Variants in ANKRD28 observed in about 807,000 individuals in gnomAD.
ANKRD28 encodes the protein ankyrin repeat domain 28, also known as serine/threonine-protein phosphatase 6 regulatory ankyrin repeat subunit A.
A neutral mutation model predicts 126.5 loss-of-function variants in ANKRD28; 44 were observed. The ratio of observed to expected loss-of-function variants is 0.35; its 90% CI spans 0.27 to 0.45. The LOEUF (loss-of-function observed/expected upper bound fraction) is 0.45, where lower values mean the gene tolerates loss of function less well. Among genes scored for constraint, ANKRD28 ranks in the 20% least tolerant of loss-of-function variants. The pLI, the probability that ANKRD28 is intolerant of heterozygous loss-of-function variation, is 1.00. For missense variants in ANKRD28, 1,110 were observed against 1,316.6 expected (o/e 0.84, Z 2.43); for synonymous variants, 442 against 468.5 (o/e 0.94, Z 0.73).
chr3:15,805,848 T>G (rs2060565575), intron 1 of ANKRD28, among the ~76,000 whole-genome samples: 1 of 152,180 alleles, frequency 6.6e-6, no homozygotes, highest in Admixed American at 6.5e-5. Context: ...TCCAAGGAAT[T>G]CCCGAAAGTA....
In ANKRD28 at chr3:15,746,491, G is replaced by C. The variant is rs536768632; in HGVS notation, c.351+5259C>G. ...TCATGTGATATTTGTTTTTAATTCT[G>C]TTTATGTGGTGTATCACATTTACTG... On this transcript the variant is annotated intron_variant, in intron 4 of 27. Transcript: ENST00000683139. Among the ~76,000 whole-genome samples the C allele has an allele frequency of 3.9e-5, 6 of 152,194 alleles. No homozygotes were observed. In the South Asian group the frequency reaches 1.2e-3, roughly 32 times the overall value.
At chr3:15,689,906 A>G (rs1037943854) in intron 18 of ANKRD28, 113 bp downstream of exon 18, 7 of 1,044,230 alleles carry the variant, frequency 6.7e-6, no homozygotes, top group Non-Finnish European at 9.5e-6. Context: ...ATGATTTGAA[A>G]AAAAAAAAGG....
At chr3:15,850,224 T>TATATATATATATATATATAG (rs1418223588) in intron 1 of ANKRD28, among the ~76,000 whole-genome samples, 18 of 35,118 alleles carry the variant, frequency 5.1e-4, no homozygotes, top group Non-Finnish European at 8.9e-4. Context: ...TATATATATA[T>TATATATATATATATATATAG]AGAGAGAGAG....
exon 1 of ANKRD28, chr3:15,859,550 G>C (rs2061860023): frequency 1.0e-5 from 5 of 500,056 alleles, no homozygotes; most frequent in Non-Finnish European, 1.4e-5. Context: ...GAAGACCTGC[G>C]GGCAGGGGGC....
intron 4 of ANKRD28, among the ~76,000 whole-genome samples, chr3:15,740,357 A>G (rs2047851): frequency 0.038 from 5,757 of 152,296 alleles, 165 homozygotes; most frequent in Non-Finnish European, 0.053. Context: ...AAATTCATGC[A>G]TTTTAATTGT....
intron 6 of ANKRD28, among the ~76,000 whole-genome samples, chr3:15,730,220 C>T (rs2074481466): frequency 6.6e-6 from 1 of 152,056 alleles, no homozygotes; most frequent in South Asian, 2.1e-4. Context: ...TAATTTGAAG[C>T]TAAACTTGGC....
chr3:15,778,540 C>T (rs1390572421), intron 2 of ANKRD28, among the ~76,000 whole-genome samples: 2 of 152,188 alleles, frequency 1.3e-5, no homozygotes, highest in South Asian at 2.1e-4. Flanking sequence ...GCAGAGAATG[C>T]CTGAGTTCTT....
At chr3:15,807,971 G>A (rs1412345565) in intron 1 of ANKRD28, among the ~76,000 whole-genome samples, 1 of 152,176 alleles carries the variant, frequency 6.6e-6, no homozygotes, top group East Asian at 1.9e-4. Context: ...TATGGTTGTA[G>A]GCACTTTATG....
At chr3:15,859,435 T>C (rs1434001432) in exon 1 of ANKRD28, 2 of 1,510,956 alleles carry the variant, frequency 1.3e-6, no homozygotes, top group African/African-American at 2.9e-5. Context: ...TCCAGCCTCC[T>C]CCTCCTCCGC....
intron 14 of ANKRD28, among the ~76,000 whole-genome samples, chr3:15,696,545 C>G (rs1227237208): frequency 3.9e-5 from 6 of 152,048 alleles, no homozygotes; most frequent in Admixed American, 3.3e-4. Flanking sequence ...ATACCACCAC[C>G]TATTCTACTA....
chr3:15,684,488 A>C (rs2067881823), intron 21 of ANKRD28: 1 of 152,214 alleles, frequency 6.6e-6, no homozygotes. Context: ...GTTATCTTGC[A>C]ATGTGCTCAG....
At chr3:15,727,851 T>G (rs1427045574) in intron 6 of ANKRD28, among the ~76,000 whole-genome samples, 1 of 152,182 alleles carries the variant, frequency 6.6e-6, no homozygotes, top group African/African-American at 2.4e-5. Context: ...GTAAAGACAG[T>G]GGTTTTGTGA....
chr3:15,812,585 CGTT>C lies in ANKRD28; in HGVS notation c.28-17282_28-17280del, dbSNP rs1243621571. Among the ~76,000 whole-genome samples the C allele has an allele frequency of 6.6e-6, 1 of 152,120 alleles. No individual in the cohort carries two copies. The highest frequency in any genetic ancestry group is 1.5e-5 in the Non-Finnish European group (1 of 68,020). ...ATTTTACTATATTAAGTTGGCATTT[CGTT>C]GTTGTTTTTCTGTCTTGCTTACCAA... On this transcript the variant is annotated intron_variant, in intron 1 of 27. Coordinates refer to the ANKRD28 transcript ENST00000399451. This position sits in a 1 kb window ranked among gnomAD's most constrained non-coding sequence, Gnocchi z 4.1.
In ANKRD28 at chr3:15,690,003, A is replaced by G. The variant is rs1395279365; in HGVS notation, c.1963+16T>C. On this transcript the variant is annotated intron_variant, in intron 18 of 27. Coordinates refer to ENST00000683139, the MANE Select transcript of ANKRD28 (RefSeq NM_001349278.2). ...GATAGAAGTTATAAATAAATCAAGCATAATATCTGGCATACCTGCTGCATG... is the reference window on the plus strand; with the variant it reads ...GATAGAAGTTATAAATAAATCAAGCGTAATATCTGGCATACCTGCTGCATG... 2.5e-6 allele frequency: 4 copies of G among 1,585,732 alleles called. No homozygotes were observed. The highest frequency in any genetic ancestry group is 3.4e-6 in the Non-Finnish European group (4 of 1,163,226).
At chr3:15,755,779 A>G (rs1050534816) in intron 3 of ANKRD28, among the ~76,000 whole-genome samples, 1 of 152,232 alleles carries the variant, frequency 6.6e-6, no homozygotes. Context: ...TTTGTGGTTT[A>G]TAAGGATGAC....
At chr3:15,858,782 T>C (rs1289248670) in intron 1 of ANKRD28, among the ~76,000 whole-genome samples, 1 of 152,222 alleles carries the variant, frequency 6.6e-6, no homozygotes, top group Non-Finnish European at 1.5e-5. Flanking sequence ...AAGTAGTTTT[T>C]CAGTTCCAGA....
chr3:15,696,092 T>C (rs1456921669), intron 15 of ANKRD28, 42 bp downstream of exon 15: 1 of 1,301,972 alleles, frequency 7.7e-7, no homozygotes, highest in Admixed American at 2.1e-5. Context: ...TATTAGACTA[T>C]AAACTCCCAT....
intron 2 of ANKRD28, among the ~76,000 whole-genome samples, chr3:15,780,325 CA>C (rs1266650418): frequency 2.7e-5 from 4 of 150,930 alleles, no homozygotes; most frequent in African/African-American, 7.3e-5. Flanking sequence ...ATAGCAACAA[CA>C]AAAAAAAGTA....
At chr3:15,747,846 T>C (rs535966816) in intron 4 of ANKRD28, among the ~76,000 whole-genome samples, 3 of 152,210 alleles carry the variant, frequency 2.0e-5, no homozygotes, top group Non-Finnish European at 4.4e-5. Flanking sequence ...GGTCTAGTAG[T>C]CACTGTTTTA....
Sources: gnomAD v4.1 joint callset for allele counts (sites outside exome capture counted in the v4.1 genomes callset) on GRCh38, gnomAD v4.1.1 for gene constraint, Gnocchi (gnomAD v3.1) non-coding constraint, MANE v1.5 for transcripts, NCBI Gene and HGNC (gene_info 2026-07-23, HGNC 2026-07-21) for gene names.